Variants in NPSR1 observed in about 807,000 individuals in gnomAD.
NPSR1 encodes the protein neuropeptide S receptor 1.
NPSR1 carries 48 observed loss-of-function variants against 46.9 expected under a neutral mutation model. That is an observed-to-expected ratio of 1.02 (90% CI 0.81 to 1.30). The LOEUF is 1.30. NPSR1 is among the 50% of genes most tolerant of loss of function. The pLI is 0.00. For missense variants in NPSR1, 450 were observed against 449.5 expected (o/e 1.00, Z -0.01); for synonymous variants, 176 against 168.1 (o/e 1.05, Z -0.36).
intron 2 of NPSR1, among the ~76,000 whole-genome samples, chr7:34,697,034 T>C (rs972794066): frequency 5.3e-5 from 8 of 152,016 alleles, no homozygotes; most frequent in Non-Finnish European, 8.8e-5. Context: ...GTCTGGGATT[T>C]ACTTCAAAAT....
rs324979 is a variant in NPSR1 at position 34,776,086 on chromosome 7, A to C, written c.281-2376A>C. Among the ~76,000 whole-genome samples, 1,054 of 152,238 alleles carry C rather than the reference A, an allele frequency of 6.9e-3. 6 individuals are homozygous for C. Among genetic ancestry groups the C allele is most frequent in the African/African-American group, 0.024 (1,013 of 41,566 alleles). ...TCTAGTTTTATTCCATTATGGTCAG[A>C]GATGATGCTTCATATTATATTATTT... On this transcript the variant is annotated intron_variant, in intron 2 of 8. Coordinates refer to ENST00000360581, the MANE Select transcript of NPSR1 (RefSeq NM_207172.2).
Position 34,778,389 on chromosome 7 carries a change from T to C in NPSR1, c.281-73T>C, listed in dbSNP as rs994959538. On this transcript the variant is annotated intron_variant, in intron 2 of 8. Transcript: ENST00000360581. Reference sequence around the variant, plus strand: ...CCTCCCCAGGATTTCATTTCTATTGTGGCTTAGCTGCAAATTTGAAAAATA... The same window carrying C: ...CCTCCCCAGGATTTCATTTCTATTGCGGCTTAGCTGCAAATTTGAAAAATA... The C allele has an allele frequency of 1.1e-5, 9 of 854,338 alleles. No homozygotes were observed. The Admixed American group carries it at 2.4e-4, about 23-fold the overall frequency. 52.9% of individuals were successfully genotyped at this position (854,338 alleles called of 1,614,324 possible).
At chr7:34,735,195 A>G (rs981782656) in intron 2 of NPSR1, among the ~76,000 whole-genome samples, 1 of 152,206 alleles carries the variant, frequency 6.6e-6, no homozygotes, top group Non-Finnish European at 1.5e-5. Flanking sequence ...ACAGATGATG[A>G]CTAAAACCTC....
At chr7:34,827,228 A>G (rs1562758719) in intron 4 of NPSR1, among the ~76,000 whole-genome samples, 173 bp from the exon 5 acceptor site, 1 of 152,204 alleles carries the variant, frequency 6.6e-6, no homozygotes, top group Non-Finnish European at 1.5e-5. Flanking sequence ...CTTCACATTG[A>G]CAATGTATGG....
chr7:34,705,308 T>A (rs952246314), intron 2 of NPSR1, among the ~76,000 whole-genome samples: 1 of 151,824 alleles, frequency 6.6e-6, no homozygotes, highest in South Asian at 2.1e-4. Flanking sequence ...ACGCCCGTAA[T>A]ACCAGCTACT....
chr7:34,834,534 G>T lies in NPSR1; in HGVS notation c.757+74G>T, dbSNP rs185260252. On this transcript the variant is annotated intron_variant, in intron 6 of 8. Coordinates refer to ENST00000360581, the MANE Select transcript of NPSR1 (RefSeq NM_207172.2). ...AGAGGTTTTCTTCTAGCAAATGTGAGCTAGGGACTCCTTGATACACAAGCA... is the reference window on the plus strand; with the variant it reads ...AGAGGTTTTCTTCTAGCAAATGTGATCTAGGGACTCCTTGATACACAAGCA... 9.1e-5 allele frequency: 93 copies of T among 1,016,682 alleles called. 2 individuals carry two copies. In the East Asian group the frequency reaches 2.2e-3, roughly 24 times the overall value. The allele number at this position is 1,016,682 out of a possible 1,614,324, so 63.0% of individuals were successfully genotyped here. A position where few individuals can be genotyped will look rare whatever the true frequency, so the allele number is the denominator to read the frequency against.
At chr7:34,710,628 C>A in intron 2 of NPSR1, 1 of 171,000 alleles carries the variant, frequency 5.8e-6, no homozygotes, top group South Asian at 1.4e-4. Context: ...CAGACACAGG[C>A]TTCCTTGGCT....
intron 7 of NPSR1, among the ~76,000 whole-genome samples, chr7:34,846,077 CTG>C (rs1348921619): frequency 6.6e-6 from 1 of 152,172 alleles, no homozygotes; most frequent in East Asian, 1.9e-4. Context: ...GCAGGCGGAA[CTG>C]GGATAAAACA....
At chr7:34,806,854 A>T (rs575725875) in intron 3 of NPSR1, among the ~76,000 whole-genome samples, 2 of 152,228 alleles carry the variant, frequency 1.3e-5, no homozygotes, top group Admixed American at 6.5e-5. Context: ...ATCCTCCTTT[A>T]TATGAATACA....
intron 2 of NPSR1, among the ~76,000 whole-genome samples, chr7:34,705,934 A>ATT (rs71551069): frequency 1.3e-4 from 20 of 148,334 alleles, no homozygotes; most frequent in South Asian, 2.1e-4. Context: ...TTTGGGTAGT[A>ATT]TTTTTTTTTT....
At chr7:34,658,611 T>A (rs1276231001) in intron 1 of NPSR1, 52 bp downstream of exon 1, 7 of 1,549,634 alleles carry the variant, frequency 4.5e-6, no homozygotes, top group Non-Finnish European at 6.2e-6. Flanking sequence ...ATGAGACTGC[T>A]GGAACTTAAG....
At chr7:34,772,650 C>T (rs185866021) in intron 2 of NPSR1, among the ~76,000 whole-genome samples, 2 of 152,206 alleles carry the variant, frequency 1.3e-5, no homozygotes, top group Admixed American at 6.5e-5. Context: ...AATTTCAGCC[C>T]CCATTCACCC....
intron 7 of NPSR1, among the ~76,000 whole-genome samples, chr7:34,847,042 C>T (rs551425760): frequency 4.6e-5 from 7 of 152,230 alleles, no homozygotes; most frequent in South Asian, 2.1e-4. Flanking sequence ...TACTGTTCAG[C>T]GCCAGTGTTT....
chr7:34,712,998 A>T (rs1783378087), intron 2 of NPSR1, among the ~76,000 whole-genome samples: 1 of 152,186 alleles, frequency 6.6e-6, no homozygotes, highest in African/African-American at 2.4e-5. Context: ...CCTCTACATT[A>T]TCTAGGAGAT....
chr7:34,832,516 A>T (rs1022402095), intron 5 of NPSR1, among the ~76,000 whole-genome samples: 3 of 151,820 alleles, frequency 2.0e-5, no homozygotes, highest in Non-Finnish European at 4.4e-5. Context: ...CCTGTGTCCA[A>T]AAAAAAATGG....
chr7:34,748,557 T>C (rs2128722570), intron 2 of NPSR1, among the ~76,000 whole-genome samples: 1 of 152,304 alleles, frequency 6.6e-6, no homozygotes, highest in South Asian at 2.1e-4. Context: ...CTGCATGCCA[T>C]ACAACCGGGA....
chr7:34,719,963 C>T (rs1783768169), intron 2 of NPSR1, among the ~76,000 whole-genome samples: 1 of 151,366 alleles, frequency 6.6e-6, no homozygotes, highest in Non-Finnish European at 1.5e-5. Flanking sequence ...GCCCATGCCA[C>T]ACTTAGTTTC....
intron 8 of NPSR1, among the ~76,000 whole-genome samples, chr7:34,875,732 G>A (rs1410542141): frequency 6.6e-6 from 1 of 152,172 alleles, no homozygotes. Context: ...ACTAAAAGGC[G>A]GGGCTCCTAT....
intron 2 of NPSR1, among the ~76,000 whole-genome samples, chr7:34,702,912 A>T (rs986918435): frequency 1.3e-5 from 2 of 152,230 alleles, no homozygotes; most frequent in Non-Finnish European, 2.9e-5. Context: ...CCGCTAGCAT[A>T]GACCTACACT....
Sources: allele counts gnomAD v4.1 joint callset (sites outside exome capture counted in the v4.1 genomes callset), GRCh38; gene constraint gnomAD v4.1.1; transcripts MANE v1.5; gene names NCBI Gene and HGNC (gene_info 2026-07-23, HGNC 2026-07-21).